SEL1L2: variants seen among roughly 807,000 people sequenced by gnomAD.
SEL1L2 encodes SEL1L2 adaptor subunit of SYVN1 ubiquitin ligase.
In SEL1L2, 89 loss-of-function variants were observed where a neutral mutation model predicts 98.8. The ratio of observed to expected loss-of-function variants is 0.90; its 90% CI spans 0.76 to 1.07. The LOEUF is 1.07. SEL1L2 is among the 50% of genes least tolerant of loss of function. The pLI is 0.00. For missense variants in SEL1L2, 788 were observed against 812.0 expected, an observed-to-expected ratio of 0.97 and a Z score of 0.36; for synonymous variants, 262 against 278.5, an observed-to-expected ratio of 0.94 and a Z score of 0.59.
chr20:13,991,020 C>T (rs991316506), upstream of SEL1L2, among the ~76,000 whole-genome samples: 2 of 152,168 alleles, frequency 1.3e-5, no homozygotes, highest in Non-Finnish European at 2.9e-5. Context: ...TGCTTTGTTC[C>T]CAATCTGGAT....
chr20:13,963,974 C>T (rs1419312832), intron 1 of SEL1L2, among the ~76,000 whole-genome samples: 1 of 152,038 alleles, frequency 6.6e-6, no homozygotes, highest in African/African-American at 2.4e-5. Flanking sequence ...TGGGTCCAAG[C>T]GATTCTCCTG....
chr20:13,861,562 G>C (rs1990144744), intron 17 of SEL1L2, among the ~76,000 whole-genome samples: 1 of 152,066 alleles, frequency 6.6e-6, no homozygotes, highest in African/African-American at 2.4e-5. Context: ...CAGTCAAATG[G>C]TTTTTCATAT....
At chr20:13,963,769 C>T (rs1367235516) in intron 1 of SEL1L2, among the ~76,000 whole-genome samples, 1 of 151,784 alleles carries the variant, frequency 6.6e-6, no homozygotes, top group Non-Finnish European at 1.5e-5. Flanking sequence ...GCAAAAAAAC[C>T]ATTTTCCCCT....
intron 2 of SEL1L2, among the ~76,000 whole-genome samples, chr20:13,935,241 A>T (rs1568999749): frequency 6.6e-6 from 1 of 152,162 alleles, no homozygotes; most frequent in African/African-American, 2.4e-5. Flanking sequence ...CCAGAGATTA[A>T]ATAATTTAAT....
At chr20:13,992,205 T>C (rs2052557930), upstream of SEL1L2, among the ~76,000 whole-genome samples, 1 of 151,956 alleles carries the variant, frequency 6.6e-6, no homozygotes, top group African/African-American at 2.4e-5. Context: ...GCAATGAACA[T>C]GTTAAGAGGC....
intron 8 of SEL1L2, among the ~76,000 whole-genome samples, chr20:13,886,854 C>T (rs1296717212): frequency 6.6e-6 from 1 of 151,568 alleles, no homozygotes; most frequent in South Asian, 2.1e-4. Context: ...AGCCACTGTG[C>T]TCCAACATGG....
At chr20:13,940,170 A>G (rs932070351) in intron 2 of SEL1L2, among the ~76,000 whole-genome samples, 3 of 152,258 alleles carry the variant, frequency 2.0e-5, no homozygotes, top group African/African-American at 7.2e-5. Flanking sequence ...ATATCCATAC[A>G]TGCTATGAAG....
At chr20:13,941,267 A>G (rs908501336) in intron 2 of SEL1L2, among the ~76,000 whole-genome samples, 9 of 152,184 alleles carry the variant, frequency 5.9e-5, no homozygotes, top group Admixed American at 3.9e-4. Flanking sequence ...AGCAATGAGT[A>G]ACTGCCTGCC....
intron 5 of SEL1L2, among the ~76,000 whole-genome samples, chr20:13,905,562 C>T (rs1395006349): frequency 6.6e-6 from 1 of 152,124 alleles, no homozygotes; most frequent in Non-Finnish European, 1.5e-5. Flanking sequence ...GATCCGCCCT[C>T]CTTGGCCTCC....
intron 19 of SEL1L2, 101 bp downstream of exon 19, chr20:13,850,090 C>A: frequency 7.3e-7 from 1 of 1,369,732 alleles, no homozygotes; most frequent in Non-Finnish European, 1.0e-6. Context: ...CAAAGGAAAG[C>A]CAGTCCACAA....
chr20:13,939,297 C>G (rs949837419), intron 2 of SEL1L2, among the ~76,000 whole-genome samples: 1 of 151,932 alleles, frequency 6.6e-6, no homozygotes. Flanking sequence ...CTCACCTTGG[C>G]CTCCCAAAAC....
intron 5 of SEL1L2, among the ~76,000 whole-genome samples, chr20:13,890,504 G>T (rs925969697): frequency 6.6e-6 from 1 of 152,164 alleles, no homozygotes; most frequent in Non-Finnish European, 1.5e-5. Flanking sequence ...TAACTGTGCT[G>T]ATTGGTGAAG....
chr20:13,864,872 G>T (rs1050363147), intron 17 of SEL1L2, among the ~76,000 whole-genome samples: 10 of 152,278 alleles, frequency 6.6e-5, no homozygotes, highest in South Asian at 2.1e-4. Context: ...AAGAAAACTG[G>T]TTTTTTGAGT....
intron 3 of SEL1L2, among the ~76,000 whole-genome samples, chr20:13,924,214 G>T (rs1420714894): frequency 6.6e-6 from 1 of 151,918 alleles, no homozygotes; most frequent in Non-Finnish European, 1.5e-5. Flanking sequence ...CTTACAAACA[G>T]CAGATAGTCA....
chr20:13,903,815 A>G (rs2047794734), intron 5 of SEL1L2, among the ~76,000 whole-genome samples: 1 of 151,712 alleles, frequency 6.6e-6, no homozygotes, highest in Non-Finnish European at 1.5e-5. Context: ...ACTCCATCTT[A>G]AGAAAAAAAA....
intron 1 of SEL1L2, among the ~76,000 whole-genome samples, chr20:13,956,913 T>C (rs1022131756): frequency 1.3e-5 from 2 of 152,132 alleles, no homozygotes; most frequent in Non-Finnish European, 2.9e-5. Context: ...AAAATGATCA[T>C]ATGTTTTGGG....
At chr20:13,882,810 G>GTC (rs1386198682) in intron 10 of SEL1L2, among the ~76,000 whole-genome samples, 4 of 116,198 alleles carry the variant, frequency 3.4e-5, no homozygotes, top group Non-Finnish European at 7.2e-5. Flanking sequence ...AAGTCAATTT[G>GTC]TCTTTTTTTT....
chr20:13,910,013 A>G (rs938044924), intron 5 of SEL1L2, among the ~76,000 whole-genome samples: 1 of 152,072 alleles, frequency 6.6e-6, no homozygotes, highest in Non-Finnish European at 1.5e-5. Context: ...AACAACAACA[A>G]CAAACCGGTT....
chr20:13,865,298 T>C (rs1990813815), intron 16 of SEL1L2, 51 bp downstream of exon 16: 1 of 1,609,200 alleles, frequency 6.2e-7, no homozygotes, highest in Non-Finnish European at 8.5e-7. Flanking sequence ...AGTAAAGTCA[T>C]ACATGCATAT....
Sources: gnomAD v4.1 joint callset for allele counts (sites outside exome capture counted in the v4.1 genomes callset) on GRCh38, gnomAD v4.1.1 for gene constraint, MANE v1.5 for transcripts, NCBI Gene and HGNC (gene_info 2026-07-23, HGNC 2026-07-21) for gene names.